The following ZNF827 variants were observed in gnomAD, a reference collection of about 807,000 sequenced individuals.
The protein encoded by ZNF827 is zinc finger protein 827.
ZNF827 carries 13 observed loss-of-function variants against 102.4 expected under a neutral mutation model. The observed-to-expected ratio is 0.13, with a 90% CI of 0.08 to 0.20. ZNF827 has a LOEUF of 0.20. ZNF827 is among the 10% of genes least tolerant of loss of function. The pLI, the probability that ZNF827 is intolerant of heterozygous loss-of-function variation, is 1.00. For missense variants in ZNF827, 1,103 were observed against 1,344.4 expected, an observed-to-expected ratio of 0.82 and a Z score of 2.81; for synonymous variants, 523 against 536.2, an observed-to-expected ratio of 0.98 and a Z score of 0.34.
chr4:145,849,252 A>T (rs1239788345), intron 6 of ZNF827, 70 bp downstream of exon 6: 2 of 1,535,862 alleles, frequency 1.3e-6, no homozygotes, highest in East Asian at 4.5e-5. Context: ...TTTTTTTAAA[A>T]AAAACTGTGT....
intron 5 of ZNF827, among the ~76,000 whole-genome samples, chr4:145,868,839 A>G (rs1435769472): frequency 6.6e-6 from 1 of 152,220 alleles, no homozygotes; most frequent in East Asian, 1.9e-4. Context: ...TTAAGACTTC[A>G]AGTCACTGGA....
At chr4:145,812,058 G>A (rs1742070379) in intron 8 of ZNF827, among the ~76,000 whole-genome samples, 1 of 151,886 alleles carries the variant, frequency 6.6e-6, no homozygotes, top group African/African-American at 2.4e-5. Context: ...GGGACTACAG[G>A]TGTGTGCCAC....
intron 8 of ZNF827, among the ~76,000 whole-genome samples, chr4:145,807,647 T>G (rs1247659842): frequency 6.6e-6 from 1 of 151,680 alleles, no homozygotes; most frequent in Non-Finnish European, 1.5e-5. Context: ...AATTTTTGTA[T>G]TTTTAGTAGA....
intron 5 of ZNF827, among the ~76,000 whole-genome samples, chr4:145,860,756 G>A (rs567736260): frequency 1.3e-5 from 2 of 152,306 alleles, no homozygotes; most frequent in East Asian, 3.9e-4. Context: ...AGAATTATTA[G>A]AAGGGAAGAC....
At chr4:145,864,080 G>C (rs917954696) in intron 5 of ZNF827, among the ~76,000 whole-genome samples, 4 of 151,872 alleles carry the variant, frequency 2.6e-5, no homozygotes, top group African/African-American at 9.7e-5. Context: ...TGTAATCCCA[G>C]CTGCTCAGGA....
chr4:145,767,173 A>G (rs1396634866), intron 11 of ZNF827, among the ~76,000 whole-genome samples: 1 of 152,228 alleles, frequency 6.6e-6, no homozygotes, highest in African/African-American at 2.4e-5. Flanking sequence ...ACTGTATTTC[A>G]TATGTTCAAG....
chr4:145,775,287 C>T (rs1736885263), intron 10 of ZNF827, among the ~76,000 whole-genome samples: 1 of 152,126 alleles, frequency 6.6e-6, no homozygotes, highest in Non-Finnish European at 1.5e-5. Context: ...GGTTTTATGG[C>T]AATCAAACCA....
chr4:145,810,175 G>A (rs1306288510), intron 8 of ZNF827, among the ~76,000 whole-genome samples: 9 of 152,168 alleles, frequency 5.9e-5, no homozygotes, highest in Admixed American at 3.3e-4. Flanking sequence ...ACAAATCATG[G>A]AATCATACCA....
At chr4:145,779,652 C>T in intron 8 of ZNF827, 141 bp from the exon 9 acceptor site, 1 of 1,205,346 alleles carries the variant, frequency 8.3e-7, no homozygotes, top group Non-Finnish European at 1.1e-6. Flanking sequence ...AACTGGTTTT[C>T]CTGCTCATTT....
At chr4:145,800,230 T>C (rs1300905946) in intron 8 of ZNF827, among the ~76,000 whole-genome samples, 2 of 152,234 alleles carry the variant, frequency 1.3e-5, no homozygotes, top group African/African-American at 2.4e-5. Flanking sequence ...AGTTGTCTTT[T>C]ATAAAACAAG....
chr4:145,911,667 T>C (rs1173695155), intron 1 of ZNF827, among the ~76,000 whole-genome samples: 4 of 152,210 alleles, frequency 2.6e-5, no homozygotes, highest in African/African-American at 4.8e-5. Context: ...TCTATATGAC[T>C]AGTCTCTAGT....
intron 5 of ZNF827, among the ~76,000 whole-genome samples, chr4:145,858,241 T>A (rs1000849723): frequency 5.3e-5 from 8 of 151,988 alleles, no homozygotes; most frequent in African/African-American, 1.9e-4. Context: ...TTTGGGAGGC[T>A]GAGGCAGGAG....
chr4:145,916,385 CCG>C lies in ZNF827; in HGVS notation c.44-13172_44-13171del, dbSNP rs567631212. 2.6e-3 allele frequency among the ~76,000 whole-genome samples: 400 copies of C among 152,310 alleles called. 2 individuals carry two copies. Among genetic ancestry groups the C allele is most frequent in the African/African-American group, 9.3e-3 (386 of 41,572 alleles). ...ACCTGGGGTGAACTGGGGGCATGAG[CCG>C]TACGGGAATGTGGGGAGCAAAGACT... On this transcript the variant is annotated intron_variant, in intron 1 of 14. Transcript: ENST00000508784.
At position 145,934,817 on chromosome 4, in the gene ZNF827, G is replaced by A. The variant is rs566086896; in HGVS notation, c.43+3548C>T. 7.2e-5 allele frequency among the ~76,000 whole-genome samples: 11 copies of A among 152,316 alleles called. No individual in the cohort carries two copies. The South Asian group carries it at 1.7e-3, about 23-fold the overall frequency. On this transcript the variant is annotated intron_variant, in intron 1 of 14. Coordinates refer to ENST00000508784, the MANE Select transcript of ZNF827 (RefSeq NM_001306215.2). Reference sequence around the variant, plus strand: ...AATGCTTTATGCTGTAGAATCCTTAGGGGGGTGCAGACACAGGGAGAGACC... The same window carrying A: ...AATGCTTTATGCTGTAGAATCCTTAAGGGGGTGCAGACACAGGGAGAGACC...
intron 5 of ZNF827, among the ~76,000 whole-genome samples, chr4:145,853,600 C>T (rs750637165): frequency 3.3e-5 from 5 of 151,706 alleles, no homozygotes; most frequent in Non-Finnish European, 5.9e-5. Flanking sequence ...AACAAACAAA[C>T]AACCCACAAA....
intron 8 of ZNF827, among the ~76,000 whole-genome samples, chr4:145,804,000 T>G (rs1215195496): frequency 2.0e-5 from 3 of 152,230 alleles, no homozygotes; most frequent in Admixed American, 6.5e-5. Context: ...CAGATAGCAA[T>G]CTGTTCATTT....
chr4:145,848,239 G>A (rs988140200), intron 6 of ZNF827, among the ~76,000 whole-genome samples: 1 of 152,166 alleles, frequency 6.6e-6, no homozygotes, highest in African/African-American at 2.4e-5. Flanking sequence ...GTCCTATTAA[G>A]TTTACAGAAT....
At chr4:145,781,583 T>C (rs1481304439) in intron 8 of ZNF827, among the ~76,000 whole-genome samples, 2 of 151,996 alleles carry the variant, frequency 1.3e-5, no homozygotes, top group African/African-American at 4.8e-5. Context: ...CTTATTAAAG[T>C]AGAAATGTGT....
intron 7 of ZNF827, 113 bp downstream of exon 7, chr4:145,845,843 T>C: frequency 1.5e-5 from 15 of 1,018,050 alleles, no homozygotes; most frequent in Non-Finnish European, 2.3e-5. Context: ...GTAAAGGGTG[T>C]GACTCCTTTG....
Sources: allele counts gnomAD v4.1 joint callset (sites outside exome capture counted in the v4.1 genomes callset), GRCh38; gene constraint gnomAD v4.1.1; transcripts MANE v1.5; gene names NCBI Gene and HGNC (gene_info 2026-07-23, HGNC 2026-07-21).